The following AKAP9 variants were observed in gnomAD, a reference collection of about 807,000 sequenced individuals.
AKAP9 encodes A-kinase anchor protein 9.
In AKAP9, 311 loss-of-function variants were observed where a neutral mutation model predicts 488.5. The ratio of observed to expected loss-of-function variants is 0.64; its 90% CI spans 0.58 to 0.70. The LOEUF is 0.70. Ranked by LOEUF, AKAP9 falls within the 30% of genes least tolerant of loss-of-function variation. The pLI is 0.00. For synonymous variants in AKAP9, 1,462 were observed against 1,483.5 expected (o/e 0.99, Z 0.33); for missense variants, 4,215 against 4,374.5 (o/e 0.96, Z 1.03).
intron 22 of AKAP9, among the ~76,000 whole-genome samples, chr7:92,058,578 T>A (rs962616773): frequency 3.3e-5 from 5 of 152,082 alleles, no homozygotes; most frequent in Admixed American, 2.0e-4. Context: ...AACTTGGCTA[T>A]GTTTACAATT....
At chr7:91,981,385 C>T (rs978740554) in intron 3 of AKAP9, among the ~76,000 whole-genome samples, 1 of 151,790 alleles carries the variant, frequency 6.6e-6, no homozygotes, top group East Asian at 1.9e-4. Flanking sequence ...TATAGTATAA[C>T]AACTAAGTAT....
intron 8 of AKAP9, among the ~76,000 whole-genome samples, chr7:92,010,154 T>C (rs1484853713): frequency 6.6e-6 from 1 of 152,086 alleles, no homozygotes; most frequent in Admixed American, 6.6e-5. Flanking sequence ...AAAGATAAAG[T>C]TATAGGAAAT....
Position 92,097,609 on chromosome 7 carries a change from T to G in AKAP9, c.10422T>G (p.Ser3474Arg). ...LNEPTTWSLT[S>R]DRTRNWVLQQ... ...AGCCAACCACGTGGAGCTTAACCAGTGATAGAACTAGAAATTGGGTTCTTC... is the reference window on the plus strand; with the variant it reads ...AGCCAACCACGTGGAGCTTAACCAGGGATAGAACTAGAAATTGGGTTCTTC... Residue 3474 changes from serine to arginine, a missense_variant, in exon 42 of 50, where the codon AGT becomes AGG. Physicochemically the swap from Ser to Arg is moderately radical, Grantham distance 110. Transcript: ENST00000356239. The G allele has an allele frequency of 6.2e-7, 1 of 1,613,646 alleles. No homozygotes were observed. Among genetic ancestry groups the G allele is most frequent in the East Asian group, 2.2e-5 (1 of 44,876 alleles).
chr7:92,058,180 T>A (rs777830190), intron 22 of AKAP9: 2 of 593,424 alleles, frequency 3.4e-6, no homozygotes. Context: ...TGGATTCTTA[T>A]AGCACCTATT....
chr7:92,014,952 A>G (rs1437433581), intron 10 of AKAP9, among the ~76,000 whole-genome samples: 1 of 152,034 alleles, frequency 6.6e-6, no homozygotes, highest in African/African-American at 2.4e-5. Context: ...AAACACTAAG[A>G]TGGCACCCAT....
rs1180586203 is a variant in AKAP9, at chr7:92,040,880, T to C, written c.4899T>C (p.Leu1633=). ...QEQLQEEIKR[L]NRQLAQRSSI... ...AGCTACAAGAAGAGATTAAGAGACTTAATAGACAATTAGCCCAGGTAAGGG... is the reference window on the plus strand; with the variant it reads ...AGCTACAAGAAGAGATTAAGAGACTCAATAGACAATTAGCCCAGGTAAGGG... The change falls in exon 18 of 50, where the codon CTT becomes CTC. Residue 1633 remains leucine, a synonymous_variant. Coordinates refer to ENST00000356239, the MANE Select transcript of AKAP9 (RefSeq NM_005751.5). 5 of 1,612,916 alleles carry C rather than the reference T, an allele frequency of 3.1e-6. No individual in the cohort carries two copies. Among genetic ancestry groups the C allele is most frequent in the Middle Eastern group, 3.3e-4 (2 of 6,062 alleles).
At chr7:91,985,876 T>G (rs913502377) in intron 3 of AKAP9, among the ~76,000 whole-genome samples, 44 of 152,220 alleles carry the variant, frequency 2.9e-4, no homozygotes, top group African/African-American at 9.9e-4. Context: ...CTCGAACTCC[T>G]GACCTCTTGA....
Position 92,098,285 on chromosome 7 carries a change from CT to C in AKAP9, c.10713+73del, listed in dbSNP as rs1584550279. 3.6e-5 allele frequency: 32 copies of C among 891,976 alleles called. No individual in the cohort carries two copies. The East Asian group carries it at 8.3e-4, about 23-fold the overall frequency. 55.3% of individuals were successfully genotyped at this position (891,976 alleles called of 1,614,324 possible). A position where few individuals can be genotyped will look rare whatever the true frequency, so the allele number is the denominator to read the frequency against. On this transcript the variant is annotated intron_variant, in intron 43 of 49. Coordinates refer to ENST00000356239, the MANE Select transcript of AKAP9 (RefSeq NM_005751.5). ...TTAATAGAAACTGGATAATTTGAAA[CT>C]TGCAGCATATTCTTTATACTCTTTA...
intron 1 of AKAP9, among the ~76,000 whole-genome samples, chr7:91,956,405 A>C (rs1388294016): frequency 1.8e-5 from 1 of 54,996 alleles, no homozygotes; most frequent in Non-Finnish European, 3.9e-5. Flanking sequence ...GTCTCAAAAA[A>C]AAAAAAAAAA....
At chr7:91,978,223 CA>C (rs1795942598) in intron 2 of AKAP9, among the ~76,000 whole-genome samples, 1 of 136,392 alleles carries the variant, frequency 7.3e-6, no homozygotes, top group African/African-American at 2.8e-5. Flanking sequence ...GCCTGGGCAA[CA>C]GAGTGAGACT....
chr7:92,038,605 A>G lies in AKAP9; in HGVS notation c.4525A>G (p.Lys1509Glu). The G allele has an allele frequency of 6.2e-7, 1 of 1,613,898 alleles. No individual in the cohort carries two copies. Among genetic ancestry groups the G allele is most frequent in the Non-Finnish European group, 8.5e-7 (1 of 1,179,910 alleles). ...TCAGACTTTTGAGACAGTGGATGTGAAATTTAAAGAAGAATTTAAACCACT... is the reference window on the plus strand; with the variant it reads ...TCAGACTTTTGAGACAGTGGATGTGGAATTTAAAGAAGAATTTAAACCACT... Reference protein sequence around the residue: ...GFQTFETVDVKFKEEFKPLSK... With the variant: ...GFQTFETVDVEFKEEFKPLSK... The change falls in exon 17 of 50, where the codon AAA becomes GAA. Residue 1509 changes from lysine (K) to glutamate (E), a missense_variant. By Grantham distance (56) the Lys-to-Glu change is moderately conservative (BLOSUM62 1). Around this residue, in one of 5 missense-constraint regions of AKAP9, gnomAD observed 2,361 missense variants for 2,430.0 expected, o/e 0.97. Coordinates refer to ENST00000356239, the MANE Select transcript of AKAP9 (RefSeq NM_005751.5).
chr7:92,039,633 A>G (rs1214664268), intron 17 of AKAP9, among the ~76,000 whole-genome samples: 1 of 152,168 alleles, frequency 6.6e-6, no homozygotes, highest in Non-Finnish European at 1.5e-5. Flanking sequence ...ATTTTTTATT[A>G]ATATTCAGGA....
chr7:92,077,915 CAG>C, intron 30 of AKAP9, 40 bp downstream of exon 30: 1 of 1,524,674 alleles, frequency 6.6e-7, no homozygotes, highest in Non-Finnish European at 9.0e-7. Context: ...TAATATGAAC[CAG>C]AGTTTTAAAG....
chr7:92,061,149 C>A, intron 22 of AKAP9, 111 bp from the exon 23 acceptor site: 1 of 1,231,310 alleles, frequency 8.1e-7, no homozygotes, highest in Non-Finnish European at 1.1e-6. Context: ...GACTACAATT[C>A]AGTAGTATAT....
At chr7:92,070,230 CT>C in intron 27 of AKAP9, 24 bp downstream of exon 27, 1 of 1,612,308 alleles carries the variant, frequency 6.2e-7, no homozygotes, top group African/African-American at 1.3e-5. Flanking sequence ...TTTGGGCTAA[CT>C]TAATAAGTGT....
intron 16 of AKAP9, among the ~76,000 whole-genome samples, chr7:92,035,967 C>T (rs1805127462): frequency 6.6e-6 from 1 of 151,418 alleles, no homozygotes; most frequent in Non-Finnish European, 1.5e-5. Context: ...CATCTTAGGC[C>T]ATCCTTTTAG....
Position 92,099,260 on chromosome 7 carries a change from G to A in AKAP9, c.10714-427G>A, listed in dbSNP as rs1817142372. Among the ~76,000 whole-genome samples, 5 of 152,262 alleles carry A rather than the reference G, an allele frequency of 3.3e-5. No individual in the cohort carries two copies. In the South Asian group the frequency reaches 1.0e-3, roughly 32 times the overall value. ...GGCTTTCAGCATTTCTTACCTGGCT[G>A]TTGAAACAACTTCCTGATAGGTCTA... On this transcript the variant is annotated intron_variant, in intron 43 of 49. Coordinates refer to ENST00000356239, the MANE Select transcript of AKAP9 (RefSeq NM_005751.5).
At chr7:92,032,591 C>T (rs368035328) in intron 16 of AKAP9, among the ~76,000 whole-genome samples, 10 of 151,550 alleles carry the variant, frequency 6.6e-5, no homozygotes, top group African/African-American at 2.2e-4. Flanking sequence ...ATATAACAAT[C>T]CCAATGGAAT....
intron 3 of AKAP9, among the ~76,000 whole-genome samples, chr7:91,981,767 G>A (rs1362987898): frequency 4.0e-5 from 6 of 151,850 alleles, no homozygotes; most frequent in South Asian, 4.2e-4. Flanking sequence ...CACCACACCC[G>A]GCTAATTTTT....
Sources: gnomAD v4.1 joint callset for allele counts (sites outside exome capture counted in the v4.1 genomes callset) on GRCh38, gnomAD v4.1.1 for gene constraint, gnomAD v4.1.1 regional missense constraint, MANE v1.5 for transcripts, NCBI Gene and HGNC (gene_info 2026-07-23, HGNC 2026-07-21) for gene names.